SAMTOR: variants seen among roughly 807,000 people sequenced by gnomAD.
The protein encoded by SAMTOR is UPF0532 protein C7orf60.
the SAMTOR span, among the ~76,000 whole-genome samples, chr7:112,836,270 G>C: frequency 2.0e-5 from 3 of 152,026 alleles, no homozygotes; most frequent in Non-Finnish European, 4.4e-5. Flanking sequence ...ATGCTTGTTG[G>C]ACACGTTTGT....
the SAMTOR span, among the ~76,000 whole-genome samples, chr7:112,924,039 G>T: frequency 2.0e-5 from 3 of 148,548 alleles, no homozygotes; most frequent in African/African-American, 7.5e-5. Context: ...TCTGGGGTCT[G>T]TTGTGGGGTG....
chr7:112,822,988 G>T, the SAMTOR span, among the ~76,000 whole-genome samples: 1 of 151,908 alleles, frequency 6.6e-6, no homozygotes, highest in Non-Finnish European at 1.5e-5. Flanking sequence ...ATACAACAGA[G>T]GAATGAATAA....
At chr7:112,844,792 C>A in the SAMTOR span, among the ~76,000 whole-genome samples, 1 of 152,128 alleles carries the variant, frequency 6.6e-6, no homozygotes, top group South Asian at 2.1e-4. Context: ...ATTGCCAAGG[C>A]AATCCTAAGC....
At chr7:112,851,328 GT>G in the SAMTOR span, among the ~76,000 whole-genome samples, 1 of 152,084 alleles carries the variant, frequency 6.6e-6, no homozygotes, top group Non-Finnish European at 1.5e-5. Context: ...CAAAAACAGT[GT>G]GGTATTAGTA....
the SAMTOR span, among the ~76,000 whole-genome samples, chr7:112,927,029 A>G: frequency 6.6e-6 from 1 of 152,088 alleles, no homozygotes; most frequent in African/African-American, 2.4e-5. Flanking sequence ...TTAAAAATAA[A>G]TGAAATTATT....
chr7:112,865,243 G>C, the SAMTOR span, among the ~76,000 whole-genome samples: 37 of 152,164 alleles, frequency 2.4e-4, no homozygotes, highest in African/African-American at 8.9e-4. Flanking sequence ...GAGGCCAGGA[G>C]TTCGAGACCA....
the SAMTOR span, among the ~76,000 whole-genome samples, chr7:112,897,664 T>C: frequency 1.3e-5 from 2 of 152,308 alleles, no homozygotes; most frequent in Admixed American, 6.5e-5. Flanking sequence ...ATTTTACTTG[T>C]TATTGAAAAA....
chr7:112,915,740 T>C, the SAMTOR span, among the ~76,000 whole-genome samples: 5 of 152,180 alleles, frequency 3.3e-5, no homozygotes, highest in South Asian at 4.1e-4. Flanking sequence ...GCTGGAAAAA[T>C]TGACAACATA....
the SAMTOR span, chr7:112,935,299 G>T: frequency 2.6e-6 from 1 of 390,446 alleles, no homozygotes; most frequent in African/African-American, 2.1e-5. Context: ...TCAATTAAAA[G>T]GAGTCTCATT....
At chr7:112,841,496 C>T in the SAMTOR span, among the ~76,000 whole-genome samples, 15 of 152,098 alleles carry the variant, frequency 9.9e-5, no homozygotes, top group East Asian at 7.7e-4. Flanking sequence ...TGAAAATGGC[C>T]ATACTGCCCA....
chr7:112,930,111 CT>C, the SAMTOR span, among the ~76,000 whole-genome samples: 1 of 152,112 alleles, frequency 6.6e-6, no homozygotes, highest in African/African-American at 2.4e-5. Context: ...GATGACAAGA[CT>C]ACCAAATTCA....
At chr7:112,875,256 G>T in the SAMTOR span, among the ~76,000 whole-genome samples, 24 of 152,104 alleles carry the variant, frequency 1.6e-4, no homozygotes, top group Admixed American at 1.3e-4. Flanking sequence ...CTTTAGTTGT[G>T]GTCACTGGGT....
At chr7:112,900,232 C>T in the SAMTOR span, among the ~76,000 whole-genome samples, 1 of 152,050 alleles carries the variant, frequency 6.6e-6, no homozygotes, top group Non-Finnish European at 1.5e-5. Flanking sequence ...AGCTGTAAAA[C>T]CAGGAAAGCT....
the SAMTOR span, among the ~76,000 whole-genome samples, chr7:112,925,673 A>G: frequency 8.1e-4 from 124 of 152,218 alleles, no homozygotes; most frequent in African/African-American, 2.9e-3. Context: ...GCATGCCTGT[A>G]ATCCCAACTA....
At chr7:112,909,526 A>G in the SAMTOR span, among the ~76,000 whole-genome samples, 22 of 152,188 alleles carry the variant, frequency 1.4e-4, no homozygotes, top group Admixed American at 1.4e-3. Context: ...CATACAGAAA[A>G]TAACTGTTTC....
chr7:112,931,289 A>G, the SAMTOR span, among the ~76,000 whole-genome samples: 8 of 151,966 alleles, frequency 5.3e-5, no homozygotes, highest in Non-Finnish European at 5.9e-5. Context: ...CAACCTTAAG[A>G]GTCCAATTTA....
the SAMTOR span, among the ~76,000 whole-genome samples, chr7:112,890,713 G>T: frequency 6.6e-6 from 1 of 150,576 alleles, no homozygotes; most frequent in Admixed American, 6.6e-5. Context: ...TTAAGACAGG[G>T]TATCACTCTG....
the SAMTOR span, among the ~76,000 whole-genome samples, chr7:112,826,604 T>C: frequency 1.3e-5 from 2 of 152,144 alleles, no homozygotes; most frequent in Non-Finnish European, 2.9e-5. Flanking sequence ...TTTCCCTATT[T>C]TTCTGAAAGT....
At chr7:112,920,238 A>G in the SAMTOR span, among the ~76,000 whole-genome samples, 14 of 152,224 alleles carry the variant, frequency 9.2e-5, no homozygotes, top group African/African-American at 3.1e-4. Context: ...GTGCATCAAA[A>G]AGCTTATCCG....
Sources: allele counts gnomAD v4.1 joint callset (sites outside exome capture counted in the v4.1 genomes callset), GRCh38; gene constraint gnomAD v4.1.1; transcripts MANE v1.5; gene names NCBI Gene and HGNC (gene_info 2026-07-23, HGNC 2026-07-21).